HS6ST3: variants seen among roughly 807,000 people sequenced by gnomAD.
The protein encoded by HS6ST3 is heparan-sulfate 6-O-sulfotransferase 3.
In HS6ST3, 12 loss-of-function variants were observed where a neutral mutation model predicts 36.7. That is an observed-to-expected ratio of 0.33 (90% confidence interval 0.21 to 0.53). The LOEUF is 0.53. HS6ST3 is among the 20% of genes least tolerant of loss of function. The pLI is 0.95. For missense variants in HS6ST3, 584 were observed against 640.9 expected, an observed-to-expected ratio of 0.91 and a Z score of 0.96; for synonymous variants, 240 against 257.5, an observed-to-expected ratio of 0.93 and a Z score of 0.65.
intron 1 of HS6ST3, among the ~76,000 whole-genome samples, chr13:96,504,340 G>C (rs1388194952): frequency 6.6e-6 from 1 of 152,120 alleles, no homozygotes; most frequent in Non-Finnish European, 1.5e-5. Context: ...CTAGTGGCCA[G>C]TGGTTGTGGT....
chr13:96,123,652 G>T (rs2053937155), intron 1 of HS6ST3, among the ~76,000 whole-genome samples: 1 of 152,144 alleles, frequency 6.6e-6, no homozygotes, highest in African/African-American at 2.4e-5. Context: ...ACCATTCCCA[G>T]AAGTCTGGCG....
At chr13:96,688,314 G>A (rs909513394) in intron 1 of HS6ST3, among the ~76,000 whole-genome samples, 2 of 151,812 alleles carry the variant, frequency 1.3e-5, no homozygotes, top group African/African-American at 4.8e-5. Context: ...TACTAAGCTA[G>A]GCCAAGGGAG....
rs201048684 is a variant in HS6ST3, at chr13:96,790,316, A to T, written c.708-42174A>T. ...ACACACACACACACACACTCCTCTTATGTACTATATACAGCACTTATAGTC... is the reference window on the plus strand; with the variant it reads ...ACACACACACACACACACTCCTCTTTTGTACTATATACAGCACTTATAGTC... On this transcript the variant is annotated intron_variant, in intron 1 of 1. Transcript: ENST00000376705. 1.2e-4 allele frequency among the ~76,000 whole-genome samples: 17 copies of T among 142,578 alleles called. No individual in the cohort carries two copies. In the East Asian group the frequency reaches 3.4e-3, roughly 28 times the overall value. 93.5% of individuals were successfully genotyped at this position (142,578 alleles called of 152,430 possible). A position where few individuals can be genotyped will look rare whatever the true frequency, so the allele number is the denominator to read the frequency against.
chr13:96,237,566 C>A (rs1334268733), intron 1 of HS6ST3, among the ~76,000 whole-genome samples: 1 of 152,298 alleles, frequency 6.6e-6, no homozygotes, highest in African/African-American at 2.4e-5. Context: ...TAGTTGACCT[C>A]ATATTCCTCC....
intron 1 of HS6ST3, among the ~76,000 whole-genome samples, chr13:96,366,611 A>T (rs947414190): frequency 2.0e-5 from 3 of 152,102 alleles, no homozygotes; most frequent in African/African-American, 7.2e-5. Flanking sequence ...TGTTTCTAAA[A>T]ATCCCCATGC....
At chr13:96,300,434 A>G (rs1427798893) in intron 1 of HS6ST3, among the ~76,000 whole-genome samples, 1 of 152,122 alleles carries the variant, frequency 6.6e-6, no homozygotes, top group Admixed American at 6.6e-5. Context: ...ATTCATGGCT[A>G]TGATCCAGTC....
At chr13:96,394,619 A>G (rs1291569078) in intron 1 of HS6ST3, among the ~76,000 whole-genome samples, 1 of 152,200 alleles carries the variant, frequency 6.6e-6, no homozygotes, top group Non-Finnish European at 1.5e-5. Flanking sequence ...ATAAAACTGT[A>G]TAATCCTCAT....
intron 1 of HS6ST3, among the ~76,000 whole-genome samples, chr13:96,129,151 C>G (rs1289440281): frequency 6.6e-6 from 1 of 152,174 alleles, no homozygotes; most frequent in Non-Finnish European, 1.5e-5. Context: ...ATGCCCAGCT[C>G]CCCTTAAGAG....
intron 1 of HS6ST3, among the ~76,000 whole-genome samples, chr13:96,814,839 G>A (rs565578951): frequency 6.6e-6 from 1 of 151,872 alleles, no homozygotes; most frequent in Non-Finnish European, 1.5e-5. Flanking sequence ...CTCCTGTTCT[G>A]TTGTGGTTTA....
chr13:96,463,910 T>C (rs1384590040), intron 1 of HS6ST3, among the ~76,000 whole-genome samples: 1 of 151,992 alleles, frequency 6.6e-6, no homozygotes, highest in African/African-American at 2.4e-5. Context: ...CTAAAACGTG[T>C]TGTGAGGTTA....
chr13:96,565,462 A>G (rs2056277808), intron 1 of HS6ST3, among the ~76,000 whole-genome samples: 2 of 151,784 alleles, frequency 1.3e-5, no homozygotes, highest in African/African-American at 4.8e-5. Flanking sequence ...TCATTTTCCT[A>G]CTCCATGGCA....
chr13:96,349,248 C>T (rs1322682269), intron 1 of HS6ST3, among the ~76,000 whole-genome samples: 1 of 152,116 alleles, frequency 6.6e-6, no homozygotes, highest in African/African-American at 2.4e-5. Flanking sequence ...ACAACTTGTT[C>T]TGAAGTTTTT....
At position 96,427,613 on chromosome 13, in the gene HS6ST3, A is replaced by G. The variant is rs529070271; in HGVS notation, c.707+336044A>G. 2.6e-5 allele frequency among the ~76,000 whole-genome samples: 4 copies of G among 152,260 alleles called. 1 individual carries two copies. The South Asian group carries it at 6.2e-4, about 24-fold the overall frequency. On this transcript the variant is annotated intron_variant, in intron 1 of 1. Coordinates refer to ENST00000376705, the MANE Select transcript of HS6ST3 (RefSeq NM_153456.4). ...CAAAAACATTACAAAGATAGAACTG[A>G]GAGTTTTTGTATATCCTTTATTCAG...
intron 1 of HS6ST3, among the ~76,000 whole-genome samples, chr13:96,694,402 T>C (rs1469412823): frequency 6.6e-6 from 1 of 152,214 alleles, no homozygotes; most frequent in East Asian, 1.9e-4. Context: ...ATTTTCTTTA[T>C]CCAGTCTGCT....
chr13:96,210,744 C>G (rs957622196), intron 1 of HS6ST3, among the ~76,000 whole-genome samples: 45 of 151,752 alleles, frequency 3.0e-4, no homozygotes, highest in African/African-American at 1.1e-3. Flanking sequence ...CAGACATGTG[C>G]CATAATGCCC....
intron 1 of HS6ST3, among the ~76,000 whole-genome samples, chr13:96,117,946 T>G (rs2053901735): frequency 6.6e-6 from 1 of 151,904 alleles, no homozygotes; most frequent in African/African-American, 2.4e-5. Flanking sequence ...CTCGGCTCAC[T>G]GTAGCCTCCT....
intron 1 of HS6ST3, among the ~76,000 whole-genome samples, chr13:96,182,707 GA>G (rs1047540952): frequency 1.3e-5 from 2 of 152,128 alleles, no homozygotes; most frequent in African/African-American, 4.8e-5. Flanking sequence ...TACCTGTTGT[GA>G]ATAAGCAAAT....
At chr13:96,521,739 T>G (rs939055443) in intron 1 of HS6ST3, among the ~76,000 whole-genome samples, 2 of 152,304 alleles carry the variant, frequency 1.3e-5, no homozygotes, top group South Asian at 2.1e-4. Context: ...GATTCTTCTC[T>G]CTTTTCTTCT....
intron 1 of HS6ST3, among the ~76,000 whole-genome samples, chr13:96,508,748 A>G (rs576238003): frequency 1.5e-4 from 23 of 152,244 alleles, no homozygotes; most frequent in Middle Eastern, 3.4e-3. Flanking sequence ...TGGTGTATAT[A>G]TACCACATTT....
Sources: gnomAD v4.1 joint callset for allele counts (sites outside exome capture counted in the v4.1 genomes callset) on GRCh38, gnomAD v4.1.1 for gene constraint, MANE v1.5 for transcripts, NCBI Gene and HGNC (gene_info 2026-07-23, HGNC 2026-07-21) for gene names.